The following RCL1 variants were observed in gnomAD, a reference collection of about 807,000 sequenced individuals.
RCL1 encodes the protein RNA terminal phosphate cyclase like 1.
RCL1 carries 24 observed loss-of-function variants against 42.4 expected under a neutral mutation model. The ratio of observed to expected loss-of-function variants is 0.57; its 90% CI spans 0.41 to 0.80. The LOEUF (loss-of-function observed/expected upper bound fraction) is 0.80. Among genes scored for constraint, RCL1 ranks in the 30% least tolerant of loss-of-function variants. The pLI, the probability that RCL1 is intolerant of heterozygous loss-of-function variation, is 0.00. For missense variants in RCL1, 578 were observed against 467.9 expected, an observed-to-expected ratio of 1.24 and a Z score of -2.17; for synonymous variants, 228 against 177.3, an observed-to-expected ratio of 1.29 and a Z score of -2.27.
At chr9:4,833,783 G>A (rs749344812) in intron 4 of RCL1, among the ~76,000 whole-genome samples, 1 of 152,094 alleles carries the variant, frequency 6.6e-6, no homozygotes, top group Non-Finnish European at 1.5e-5. Context: ...TAATGTTTTG[G>A]TAGATCCGTT....
chr9:4,821,123 T>G (rs976679773), intron 1 of RCL1, among the ~76,000 whole-genome samples: 1 of 152,188 alleles, frequency 6.6e-6, no homozygotes, highest in Non-Finnish European at 1.5e-5. Flanking sequence ...GTGGTGTGGC[T>G]AAGAGTGTGG....
chr9:4,817,111 C>T (rs545079747), intron 1 of RCL1, among the ~76,000 whole-genome samples: 5 of 145,506 alleles, frequency 3.4e-5, no homozygotes, highest in African/African-American at 1.3e-4. Flanking sequence ...GCCACTGTTC[C>T]CGGCCAATAA....
intron 7 of RCL1, among the ~76,000 whole-genome samples, chr9:4,848,875 G>T (rs159433): frequency 0.88 from 134,658 of 152,196 alleles, 59,688 homozygotes; most frequent in East Asian, 1. Context: ...ACCTTAACAA[G>T]TCTTCAGTTT....
intron 1 of RCL1, 30 bp from the exon 2 acceptor site, chr9:4,823,518 C>G (rs1587710315): frequency 6.3e-7 from 1 of 1,576,394 alleles, no homozygotes. Context: ...TCTGTCTTCT[C>G]TTTTCTTCAC....
At chr9:4,832,805 CAAAA>C (rs34915834) in intron 3 of RCL1, among the ~76,000 whole-genome samples, 7 of 39,312 alleles carry the variant, frequency 1.8e-4, no homozygotes, top group East Asian at 8.2e-4. Context: ...AGATTCCACT[CAAAA>C]AAAAAAAAAA....
intron 1 of RCL1, among the ~76,000 whole-genome samples, chr9:4,814,670 G>A (rs183658623): frequency 2.0e-5 from 3 of 152,234 alleles, no homozygotes; most frequent in African/African-American, 7.2e-5. Context: ...TAGTGATAAG[G>A]TTTGATTTTT....
intron 1 of RCL1, among the ~76,000 whole-genome samples, chr9:4,798,707 T>A (rs1329419970): frequency 2.0e-5 from 3 of 152,154 alleles, no homozygotes; most frequent in African/African-American, 7.2e-5. Flanking sequence ...TTCGGCCTGG[T>A]TTGGGACCCA....
At chr9:4,841,877 G>A (rs295261) in intron 6 of RCL1, among the ~76,000 whole-genome samples, 133,875 of 152,226 alleles carry the variant, frequency 0.88, 59,012 homozygotes, top group East Asian at 1. Context: ...AAAATTCTAA[G>A]TAAGGAAAAT....
intron 1 of RCL1, among the ~76,000 whole-genome samples, chr9:4,793,641 C>T (rs1000838594): frequency 6.6e-5 from 10 of 152,138 alleles, no homozygotes; most frequent in African/African-American, 2.4e-4. Flanking sequence ...AGAAAAGTAC[C>T]TTGGGTTGGT....
chr9:4,834,345 T>C (rs1817050659), intron 5 of RCL1, 80 bp downstream of exon 5: 12 of 1,478,502 alleles, frequency 8.1e-6, no homozygotes, highest in Non-Finnish European at 1.0e-5. Context: ...ACAGCTTTAC[T>C]TCTTCCCGAG....
chr9:4,834,253 T>C lies in RCL1; in HGVS notation c.572T>C (p.Ile191Thr). The change falls in exon 5 of 9, where the codon ATT becomes ACT. Residue 191 changes from isoleucine to threonine, a missense_variant. Ile to Thr is a moderately conservative substitution (Grantham distance 89, BLOSUM62 -1). Transcript: ENST00000381750. ...ACAGATCCAGGAAAAATCAAACGTA[T>C]TAGAGGAATGGCGTATCCTTTCCAT... ...QLTDPGKIKR[I>T]RGMAYSVRVS... is the part of the protein sequence containing the mutation. The C allele has an allele frequency of 1.2e-6, 2 of 1,612,416 alleles. No homozygotes were observed. Among genetic ancestry groups the C allele is most frequent in the Non-Finnish European group, 1.7e-6 (2 of 1,178,936 alleles).
At chr9:4,810,811 G>T (rs1392486948) in intron 1 of RCL1, among the ~76,000 whole-genome samples, 1 of 152,090 alleles carries the variant, frequency 6.6e-6, no homozygotes, top group Non-Finnish European at 1.5e-5. Context: ...ATTTTAACCA[G>T]TTTTGTAGGT....
At chr9:4,812,990 A>T (rs987554182) in intron 1 of RCL1, among the ~76,000 whole-genome samples, 24 of 152,194 alleles carry the variant, frequency 1.6e-4, no homozygotes, top group Non-Finnish European at 1.2e-4. Context: ...AGTTTTCTAT[A>T]TATAAGATCA....
intron 1 of RCL1, among the ~76,000 whole-genome samples, chr9:4,809,500 G>C (rs1239305299): frequency 1.3e-5 from 2 of 152,000 alleles, no homozygotes; most frequent in Non-Finnish European, 2.9e-5. Flanking sequence ...AGTAGAGACG[G>C]GATTTCACCA....
intron 6 of RCL1, among the ~76,000 whole-genome samples, chr9:4,842,519 G>A (rs549813742): frequency 3.0e-4 from 45 of 152,188 alleles, no homozygotes; most frequent in Non-Finnish European, 5.7e-4. Flanking sequence ...GGACTTTCTG[G>A]CTTGGAAAAG....
chr9:4,817,372 T>C (rs1816418264), intron 1 of RCL1, among the ~76,000 whole-genome samples: 1 of 152,092 alleles, frequency 6.6e-6, no homozygotes, highest in Non-Finnish European at 1.5e-5. Context: ...TTTTTTATTT[T>C]TTATTTTATT....
intron 8 of RCL1, chr9:4,850,493 CTTTTTT>C (rs35181848): frequency 7.4e-6 from 1 of 135,660 alleles, no homozygotes; most frequent in Admixed American, 8.4e-5. Flanking sequence ...TTTTTTTTTT[CTTTTTT>C]TTTTTTTTTT....
At chr9:4,819,767 A>T (rs1428265773) in intron 1 of RCL1, among the ~76,000 whole-genome samples, 1 of 152,248 alleles carries the variant, frequency 6.6e-6, no homozygotes, top group Non-Finnish European at 1.5e-5. Context: ...AGATCGCGCC[A>T]CTGCACTCCA....
At chr9:4,814,953 A>G (rs1342384374) in intron 1 of RCL1, among the ~76,000 whole-genome samples, 2 of 151,726 alleles carry the variant, frequency 1.3e-5, no homozygotes, top group Non-Finnish European at 2.9e-5. Flanking sequence ...CTCATGGTCT[A>G]TAAGGTTTCT....
Sources: allele counts gnomAD v4.1 joint callset (sites outside exome capture counted in the v4.1 genomes callset), GRCh38; gene constraint gnomAD v4.1.1; transcripts MANE v1.5; gene names NCBI Gene and HGNC (gene_info 2026-07-23, HGNC 2026-07-21).